Variants in ERC2 observed in about 807,000 individuals in gnomAD.
ERC2 encodes ERC protein 2.
ERC2 carries 42 observed loss-of-function variants against 114.8 expected under a neutral mutation model. The ratio of observed to expected loss-of-function variants is 0.37; its 90% CI spans 0.29 to 0.47. ERC2 has a LOEUF of 0.47. Ranked by LOEUF, ERC2 falls within the 20% of genes least tolerant of loss-of-function variation. The probability of loss-of-function intolerance (pLI) is 0.99; values close to 1 mark genes in which losing one functional copy is unlikely to be tolerated. For missense variants in ERC2, 939 were observed against 1,150.7 expected (o/e 0.82, Z 2.66); for synonymous variants, 454 against 425.5 (o/e 1.07, Z -0.82).
At chr3:55,770,973 A>G (rs1451492604) in intron 14 of ERC2, among the ~76,000 whole-genome samples, 1 of 152,012 alleles carries the variant, frequency 6.6e-6, no homozygotes, top group Non-Finnish European at 1.5e-5. Context: ...AAGGACATGA[A>G]CTCATTGTTT....
At chr3:55,974,093 G>A (rs1329346873) in intron 12 of ERC2, among the ~76,000 whole-genome samples, 3 of 152,114 alleles carry the variant, frequency 2.0e-5, no homozygotes, top group Non-Finnish European at 4.4e-5. Context: ...CTTTCTATCA[G>A]GCATACCGAC....
chr3:56,446,654 C>A (rs1299996483), intron 1 of ERC2, among the ~76,000 whole-genome samples: 8 of 105,692 alleles, frequency 7.6e-5, no homozygotes, highest in Non-Finnish European at 1.0e-4. Context: ...GAGACGGGGT[C>A]TCCCTCTGAC....
intron 2 of ERC2, among the ~76,000 whole-genome samples, chr3:56,380,337 G>A (rs1277330433): frequency 6.6e-6 from 1 of 151,946 alleles, no homozygotes; most frequent in Non-Finnish European, 1.5e-5. Context: ...TATTTTTACT[G>A]CTAGCCCCCA....
At chr3:56,311,399 A>AT (rs11459314) in intron 2 of ERC2, among the ~76,000 whole-genome samples, 2 of 149,050 alleles carry the variant, frequency 1.3e-5, no homozygotes, top group Non-Finnish European at 3.0e-5. Flanking sequence ...TCCCAGGTTC[A>AT]GCCATTCTCC....
chr3:56,228,804 T>G (rs941529181), intron 3 of ERC2, among the ~76,000 whole-genome samples: 1 of 152,160 alleles, frequency 6.6e-6, no homozygotes, highest in Non-Finnish European at 1.5e-5. Context: ...TTTAAAAGTG[T>G]AAAATAACTA....
chr3:56,290,369 G>A (rs1412309535), intron 3 of ERC2, among the ~76,000 whole-genome samples: 2 of 152,214 alleles, frequency 1.3e-5, no homozygotes, highest in Non-Finnish European at 1.5e-5. Context: ...CTGATGGAAT[G>A]TACTGATCAG....
intron 14 of ERC2, among the ~76,000 whole-genome samples, chr3:55,771,703 T>G (rs1157178890): frequency 6.9e-6 from 1 of 144,186 alleles, no homozygotes; most frequent in African/African-American, 2.5e-5. Context: ...CAGCAGTAAC[T>G]CTTGCTCCCA....
intron 12 of ERC2, chr3:55,955,058 T>C: frequency 2.3e-6 from 1 of 443,094 alleles, no homozygotes; most frequent in South Asian, 1.6e-5. Flanking sequence ...GAAATATAAA[T>C]AATACATATA....
intron 3 of ERC2, among the ~76,000 whole-genome samples, chr3:56,212,886 G>A (rs1330325799): frequency 2.0e-5 from 3 of 152,182 alleles, no homozygotes; most frequent in Non-Finnish European, 4.4e-5. Flanking sequence ...CAGCAACCTG[G>A]ATGGAACTGG....
chr3:56,117,785 T>C (rs920190754), intron 6 of ERC2, among the ~76,000 whole-genome samples: 10 of 152,164 alleles, frequency 6.6e-5, no homozygotes, highest in African/African-American at 2.4e-4. Context: ...AAGGAGTTCA[T>C]CCTTGTCTAC....
At chr3:56,048,424 C>A (rs1349553868) in intron 7 of ERC2, among the ~76,000 whole-genome samples, 1 of 152,140 alleles carries the variant, frequency 6.6e-6, no homozygotes, top group East Asian at 1.9e-4. Context: ...TTGTTAAAAA[C>A]CATAGTCATC....
At chr3:55,705,001 G>A (rs1291923396) in intron 15 of ERC2, among the ~76,000 whole-genome samples, 1 of 152,180 alleles carries the variant, frequency 6.6e-6, no homozygotes, top group Non-Finnish European at 1.5e-5. Context: ...CTAGTGAGTA[G>A]AAGAACAGAA....
At chr3:55,871,777 A>T (rs1463807714) in intron 14 of ERC2, among the ~76,000 whole-genome samples, 1 of 152,174 alleles carries the variant, frequency 6.6e-6, no homozygotes, top group Non-Finnish European at 1.5e-5. Context: ...CCCATATAAT[A>T]CCACCAAATG....
chr3:55,565,394 G>T (rs1332057953), intron 17 of ERC2, among the ~76,000 whole-genome samples: 1 of 152,130 alleles, frequency 6.6e-6, no homozygotes, highest in Non-Finnish European at 1.5e-5. Context: ...AGTGGCTGAC[G>T]GGTACTGGAA....
intron 14 of ERC2, among the ~76,000 whole-genome samples, chr3:55,801,662 C>T (rs1033114537): frequency 6.6e-6 from 1 of 152,188 alleles, no homozygotes; most frequent in Non-Finnish European, 1.5e-5. Context: ...AAGAGGTTCT[C>T]GAAGTGAGCA....
intron 3 of ERC2, among the ~76,000 whole-genome samples, chr3:56,226,019 G>T (rs146376413): frequency 6.6e-6 from 1 of 152,150 alleles, no homozygotes; most frequent in East Asian, 1.9e-4. Flanking sequence ...GTACTATCGC[G>T]ACAGAGATGC....
intron 14 of ERC2, among the ~76,000 whole-genome samples, chr3:55,788,345 T>C (rs1215657893): frequency 2.0e-5 from 3 of 152,178 alleles, no homozygotes; most frequent in Non-Finnish European, 4.4e-5. Flanking sequence ...GCAAAGGGTA[T>C]CTCGAGTCCT....
intron 15 of ERC2, among the ~76,000 whole-genome samples, chr3:55,733,438 T>A (rs2065389019): frequency 6.7e-6 from 1 of 148,582 alleles, no homozygotes; most frequent in African/African-American, 2.5e-5. Flanking sequence ...TCTCTCATTC[T>A]CTCTGTCTCT....
At chr3:56,460,988 TG>T (rs2063292404) in intron 1 of ERC2, among the ~76,000 whole-genome samples, 1 of 137,516 alleles carries the variant, frequency 7.3e-6, no homozygotes. Flanking sequence ...AAAAGCAAGA[TG>T]GCATAAAGGC....
Sources: gnomAD v4.1 joint callset for allele counts (sites outside exome capture counted in the v4.1 genomes callset) on GRCh38, gnomAD v4.1.1 for gene constraint, MANE v1.5 for transcripts, NCBI Gene and HGNC (gene_info 2026-07-23, HGNC 2026-07-21) for gene names.